UBP1: variants seen among roughly 807,000 people sequenced by gnomAD.
UBP1 encodes upstream-binding protein 1.
UBP1 carries 22 observed loss-of-function variants against 76.1 expected under a neutral mutation model. That is an observed-to-expected ratio of 0.29 (90% CI 0.21 to 0.41). The LOEUF (loss-of-function observed/expected upper bound fraction) is 0.41, where lower values mean the gene tolerates loss of function less well. Among genes scored for constraint, UBP1 ranks in the 10% least tolerant of loss-of-function variants. The pLI, the probability that UBP1 is intolerant of heterozygous loss-of-function variation, is 1.00. For missense variants in UBP1, 436 were observed against 668.1 expected (o/e 0.65, Z 3.83); for synonymous variants, 224 against 237.1 (o/e 0.94, Z 0.51).
intron 10 of UBP1, 67 bp from the exon 11 acceptor site, chr3:33,400,349 C>T: frequency 7.7e-7 from 1 of 1,306,762 alleles, no homozygotes; most frequent in African/African-American, 1.6e-5. Flanking sequence ...AAACAAAACA[C>T]AGAAAGCCTC....
intron 1 of UBP1, among the ~76,000 whole-genome samples, chr3:33,436,838 G>T (rs1410428588): frequency 6.6e-6 from 1 of 152,124 alleles, no homozygotes. Flanking sequence ...GGAAAAATCA[G>T]CCTTCATCTG....
chr3:33,403,480 A>ATC (rs2044307575), intron 8 of UBP1: 3 of 55,150 alleles, frequency 5.4e-5, no homozygotes, highest in Middle Eastern at 0.016. Flanking sequence ...ACAGTACTAC[A>ATC]TCTATCTCTA....
At chr3:33,412,173 C>A (rs538055480) in intron 4 of UBP1, among the ~76,000 whole-genome samples, 2 of 125,700 alleles carry the variant, frequency 1.6e-5, no homozygotes, top group Non-Finnish European at 3.2e-5. Context: ...GGCAACAGAG[C>A]GAAACTCCGT....
intron 12 of UBP1, 49 bp downstream of exon 12, chr3:33,396,996 G>A (rs199877735): frequency 4.7e-5 from 73 of 1,537,354 alleles, no homozygotes; most frequent in Middle Eastern, 1.7e-4. Context: ...TTCCCCACGC[G>A]AAGAAAGGTA....
At chr3:33,437,216 C>A (rs1015599238) in intron 1 of UBP1, among the ~76,000 whole-genome samples, 27 of 150,494 alleles carry the variant, frequency 1.8e-4, no homozygotes, top group Admixed American at 6.0e-4. Context: ...CATTATTTTA[C>A]ACAAACATAT....
At chr3:33,391,851 T>C (rs947023761) in intron 15 of UBP1, 2 of 152,360 alleles carry the variant, frequency 1.3e-5, no homozygotes, top group Non-Finnish European at 2.9e-5. Context: ...GACAACCCAA[T>C]GCATTTCAAG....
intron 5 of UBP1, 32 bp downstream of exon 5, chr3:33,411,549 T>G: frequency 3.2e-6 from 5 of 1,577,910 alleles, no homozygotes; most frequent in Non-Finnish European, 2.6e-6. Flanking sequence ...ATAACTAGGT[T>G]AGTAAGCTTC....
At chr3:33,397,383 A>C (rs958117107) in intron 11 of UBP1, 1 of 331,780 alleles carries the variant, frequency 3.0e-6, no homozygotes, top group African/African-American at 2.1e-5. Flanking sequence ...CAAATCAATG[A>C]GAGCAGGGCC....
At chr3:33,430,745 C>T (rs1057323704) in intron 1 of UBP1, among the ~76,000 whole-genome samples, 2 of 152,170 alleles carry the variant, frequency 1.3e-5, no homozygotes, top group Non-Finnish European at 2.9e-5. Flanking sequence ...GGCAACCACA[C>T]GGAATGCAGC....
At chr3:33,415,490 G>A (rs1244710346) in intron 3 of UBP1, among the ~76,000 whole-genome samples, 1 of 152,202 alleles carries the variant, frequency 6.6e-6, no homozygotes, top group Non-Finnish European at 1.5e-5. Context: ...AAGTTGGCAT[G>A]AGAACTTATG....
At chr3:33,434,421 C>G (rs1310791431) in intron 1 of UBP1, among the ~76,000 whole-genome samples, 1 of 151,242 alleles carries the variant, frequency 6.6e-6, no homozygotes, top group Non-Finnish European at 1.5e-5. Flanking sequence ...GCCTCAGCCT[C>G]CCAGTAGCTG....
chr3:33,426,026 TATATATATATATAG>T lies in UBP1; in HGVS notation c.114-299_114-286del, dbSNP rs1284775615. On this transcript the variant is annotated intron_variant, in intron 1 of 15. Coordinates refer to ENST00000283629, the MANE Select transcript of UBP1 (RefSeq NM_014517.5). Reference sequence around the variant, plus strand: ...ATATATATATATATATATATATATATATATATATATATAGCACTTTAAAAACTTCTTTTAAAACT... The same window carrying T: ...ATATATATATATATATATATATATATCACTTTAAAAACTTCTTTTAAAACT... Among the ~76,000 whole-genome samples, 248 of 85,140 alleles carry T rather than the reference TATATATATATATAG, an allele frequency of 2.9e-3. 6 individuals are homozygous for T. In the East Asian group the frequency reaches 0.034, roughly 12 times the overall value. The allele number at this position is 85,140 out of a possible 152,430, so 55.9% of individuals were successfully genotyped here.
chr3:33,428,903 T>C (rs2045066335), intron 1 of UBP1, among the ~76,000 whole-genome samples: 3 of 151,926 alleles, frequency 2.0e-5, no homozygotes, highest in African/African-American at 7.2e-5. Context: ...GCCTCCTGAT[T>C]CTACTCTTCT....
At chr3:33,396,937 G>C in intron 12 of UBP1, 108 bp downstream of exon 12, 1 of 970,226 alleles carries the variant, frequency 1.0e-6, no homozygotes, top group South Asian at 1.3e-5. Context: ...GCTCGATGGC[G>C]CACACAGGCA....
At position 33,388,501 on chromosome 3, in the gene UBP1, A is replaced by G. The variant is rs1213242512; in HGVS notation, c.*1830T>C. 6.6e-6 allele frequency: 1 copy of G among 152,660 alleles called. No homozygotes were observed. The highest frequency in any genetic ancestry group is 1.5e-5 in the Non-Finnish European group (1 of 68,036). 9.5% of individuals were successfully genotyped at this position (152,660 alleles called of 1,614,324 possible). On this transcript the variant is annotated 3_prime_UTR_variant, in exon 16 of 16. Coordinates refer to ENST00000283629, the MANE Select transcript of UBP1 (RefSeq NM_014517.5). Reference sequence around the variant, plus strand: ...ATAATTTCAAGTCTGATAAGCATCTAAGTATTTTTACCCCGCTTCTAAAAC... The same window carrying G: ...ATAATTTCAAGTCTGATAAGCATCTGAGTATTTTTACCCCGCTTCTAAAAC...
chr3:33,409,863 A>G (rs796644567), intron 5 of UBP1, among the ~76,000 whole-genome samples: 21 of 152,314 alleles, frequency 1.4e-4, no homozygotes, highest in African/African-American at 4.8e-4. Flanking sequence ...CTTGGGTCCA[A>G]TCAGGGGTAC....
chr3:33,411,753 C>G (rs1461430982), intron 4 of UBP1, 66 bp from the exon 5 acceptor site: 13 of 1,263,396 alleles, frequency 1.0e-5, no homozygotes, highest in Non-Finnish European at 2.3e-6. Flanking sequence ...TTACAACTTA[C>G]TATATTATGT....
chr3:33,414,280 G>A (rs1362534169), intron 3 of UBP1: 3 of 152,114 alleles, frequency 2.0e-5, no homozygotes, highest in Non-Finnish European at 4.4e-5. Context: ...GAAAAAGAAA[G>A]AGAGGGAGGA....
intron 2 of UBP1, among the ~76,000 whole-genome samples, chr3:33,417,644 G>C (rs1363765577): frequency 6.6e-6 from 1 of 152,134 alleles, no homozygotes; most frequent in Non-Finnish European, 1.5e-5. Context: ...TTAGGAAAAT[G>C]CTGCTGTAAA....
Sources: gnomAD v4.1 joint callset for allele counts (sites outside exome capture counted in the v4.1 genomes callset) on GRCh38, gnomAD v4.1.1 for gene constraint, MANE v1.5 for transcripts, NCBI Gene and HGNC (gene_info 2026-07-23, HGNC 2026-07-21) for gene names.